PRKN: variants seen among roughly 807,000 people sequenced by gnomAD.
The protein encoded by PRKN is parkin RBR E3 ubiquitin protein ligase.
A neutral mutation model predicts 59.5 loss-of-function variants in PRKN; 56 were observed. The ratio of observed to expected loss-of-function variants is 0.94; its 90% CI spans 0.76 to 1.18. The LOEUF is 1.18. Among genes scored for constraint, PRKN ranks in the 50% most tolerant of loss-of-function variants. The probability of loss-of-function intolerance (pLI) is 0.00; values close to 1 mark genes in which losing one functional copy is unlikely to be tolerated. For synonymous variants in PRKN, 250 were observed against 222.1 expected (o/e 1.13, Z -1.12); for missense variants, 657 against 596.4 (o/e 1.10, Z -1.06).
chr6:161,948,646 C>T (rs1779869988), intron 6 of PRKN, among the ~76,000 whole-genome samples: 1 of 152,154 alleles, frequency 6.6e-6, no homozygotes, highest in Non-Finnish European at 1.5e-5. Context: ...CAGGAGTCAG[C>T]TGCATGAAAA....
chr6:161,620,789 A>T (rs954731265), intron 7 of PRKN, among the ~76,000 whole-genome samples: 1 of 152,160 alleles, frequency 6.6e-6, no homozygotes, highest in Non-Finnish European at 1.5e-5. Flanking sequence ...ATGTTAAAAA[A>T]CCTTCAAGCT....
At position 162,456,885 on chromosome 6, in the gene PRKN, C is replaced by T. The variant is rs140174683; in HGVS notation, c.8-13412G>A. Among the ~76,000 whole-genome samples the T allele has an allele frequency of 2.8e-3, 431 of 152,294 alleles. 1 individual carries two copies. Among genetic ancestry groups the T allele is most frequent in the African/African-American group, 9.4e-3 (390 of 41,566 alleles). On this transcript the variant is annotated intron_variant, in intron 1 of 11. Transcript: ENST00000366898. ...TCTCCACAACGGACATCACCACCTA[C>T]TTAAACTCAGGAACACTAGCCAGTA...
chr6:162,681,568 C>T (rs1366295241), intron 1 of PRKN, among the ~76,000 whole-genome samples: 2 of 152,054 alleles, frequency 1.3e-5, no homozygotes, highest in East Asian at 3.9e-4. Flanking sequence ...GTAACTTTTC[C>T]CTTCAGCCCC....
At chr6:162,662,200 C>T (rs1042297321) in intron 1 of PRKN, among the ~76,000 whole-genome samples, 1 of 151,100 alleles carries the variant, frequency 6.6e-6, no homozygotes, top group African/African-American at 2.4e-5. Flanking sequence ...CCAAAAAGGA[C>T]AATCTGAAAC....
chr6:162,512,604 A>G (rs7741160), intron 1 of PRKN, among the ~76,000 whole-genome samples: 39,075 of 152,076 alleles, frequency 0.26, 6,238 homozygotes, highest in Non-Finnish European at 0.37. Flanking sequence ...TTTGTCATGC[A>G]TAAGTGGCAA....
chr6:162,545,624 T>C (rs568630166), intron 1 of PRKN, among the ~76,000 whole-genome samples: 2 of 152,330 alleles, frequency 1.3e-5, no homozygotes, highest in Admixed American at 1.3e-4. Flanking sequence ...ATTATGTTAA[T>C]GGTATTCTAA....
intron 2 of PRKN, among the ~76,000 whole-genome samples, chr6:162,435,133 C>A (rs1201733849): frequency 2.0e-5 from 3 of 152,216 alleles, no homozygotes; most frequent in Non-Finnish European, 4.4e-5. Context: ...TATGGCATCT[C>A]TTCTCTGTCA....
At chr6:161,731,555 G>A (rs1436761297) in intron 7 of PRKN, among the ~76,000 whole-genome samples, 2 of 152,194 alleles carry the variant, frequency 1.3e-5, no homozygotes, top group South Asian at 2.1e-4. Flanking sequence ...TGTGTACACC[G>A]TGTATGCATT....
intron 2 of PRKN, among the ~76,000 whole-genome samples, chr6:162,372,881 G>A (rs1397383782): frequency 6.6e-6 from 1 of 152,160 alleles, no homozygotes; most frequent in African/African-American, 2.4e-5. Flanking sequence ...AGAAATTTCA[G>A]TGGAGAAAAA....
chr6:162,102,766 G>A (rs986458125), intron 4 of PRKN, among the ~76,000 whole-genome samples: 8 of 144,072 alleles, frequency 5.6e-5, no homozygotes, highest in Non-Finnish European at 8.8e-5. Flanking sequence ...TAACTTGCCC[G>A]GGCGCGGTGG....
intron 7 of PRKN, among the ~76,000 whole-genome samples, chr6:161,766,903 A>G (rs1176624013): frequency 2.0e-5 from 3 of 152,186 alleles, no homozygotes; most frequent in African/African-American, 4.8e-5. Context: ...AGGCAGACCT[A>G]TGTTTACATT....
At chr6:162,129,674 A>G (rs1318189776) in intron 4 of PRKN, among the ~76,000 whole-genome samples, 1 of 152,176 alleles carries the variant, frequency 6.6e-6, no homozygotes, top group Non-Finnish European at 1.5e-5. Context: ...TTCATTTTCA[A>G]ATATTTAACA....
At chr6:161,358,648 A>G (rs1344015519) in intron 11 of PRKN, among the ~76,000 whole-genome samples, 1 of 151,982 alleles carries the variant, frequency 6.6e-6, no homozygotes, top group African/African-American at 2.4e-5. Flanking sequence ...GCGAAATACC[A>G]GGCCTGTTTA....
At chr6:162,070,825 T>A (rs1195055411) in intron 4 of PRKN, among the ~76,000 whole-genome samples, 1 of 152,136 alleles carries the variant, frequency 6.6e-6, no homozygotes, top group African/African-American at 2.4e-5. Context: ...GCTGTAATGC[T>A]CGCTCGCCTA....
intron 9 of PRKN, among the ~76,000 whole-genome samples, chr6:161,501,249 G>A (rs1423067782): frequency 6.6e-6 from 1 of 152,182 alleles, no homozygotes; most frequent in East Asian, 1.9e-4. Flanking sequence ...AACAGTGAAT[G>A]AGAGTTCCTG....
At chr6:162,597,418 T>C (rs1166448559) in intron 1 of PRKN, among the ~76,000 whole-genome samples, 1 of 152,230 alleles carries the variant, frequency 6.6e-6, no homozygotes, top group Non-Finnish European at 1.5e-5. Flanking sequence ...AACTGTTTCA[T>C]ATCCTTAAAT....
chr6:161,766,291 T>C (rs189577394), intron 7 of PRKN, among the ~76,000 whole-genome samples: 2 of 151,288 alleles, frequency 1.3e-5, no homozygotes, highest in East Asian at 3.9e-4. Context: ...CAGAAAAAAC[T>C]TATGCCTGCT....
chr6:162,358,974 C>A (rs1773538014), intron 2 of PRKN, among the ~76,000 whole-genome samples: 1 of 145,740 alleles, frequency 6.9e-6, no homozygotes, highest in Admixed American at 7.1e-5. Flanking sequence ...TCAGGAGAAT[C>A]ATTTGAACCT....
chr6:162,192,136 T>C (rs868510293), intron 4 of PRKN, among the ~76,000 whole-genome samples: 18 of 152,170 alleles, frequency 1.2e-4, no homozygotes, highest in Admixed American at 2.0e-4. Context: ...TATCAAGAAA[T>C]ATTTCTCTTA....
Sources: gnomAD v4.1 joint callset for allele counts (sites outside exome capture counted in the v4.1 genomes callset) on GRCh38, gnomAD v4.1.1 for gene constraint, MANE v1.5 for transcripts, NCBI Gene and HGNC (gene_info 2026-07-23, HGNC 2026-07-21) for gene names.